Variants in DIAPH2 observed in about 807,000 individuals in gnomAD.
DIAPH2 encodes the protein diaphanous related formin 2.
Under a neutral mutation model 92.7 loss-of-function variants are expected in DIAPH2, and 35 were observed. The observed-to-expected ratio is 0.38, with a 90% CI of 0.29 to 0.50. The LOEUF (loss-of-function observed/expected upper bound fraction) is 0.50. Ranked by LOEUF, DIAPH2 falls within the 20% of genes least tolerant of loss-of-function variation. The pLI, the probability that DIAPH2 is intolerant of heterozygous loss-of-function variation, is 0.94. For missense variants in DIAPH2, 701 were observed against 819.5 expected, an observed-to-expected ratio of 0.86 and a Z score of 1.77; for synonymous variants, 301 against 280.4, an observed-to-expected ratio of 1.07 and a Z score of -0.73.
chrX:97,180,291 A>G (rs959510769), intron 22 of DIAPH2, among the ~76,000 whole-genome samples: 1 of 112,267 alleles, frequency 8.9e-6, no homozygotes, highest in South Asian at 3.7e-4. Context: ...TGTTGGCCGC[A>G]TAAATGTCTT....
At chrX:97,142,217 T>G (rs1437147574) in intron 22 of DIAPH2, among the ~76,000 whole-genome samples, 1 of 111,415 alleles carries the variant, frequency 9.0e-6, no homozygotes, top group Non-Finnish European at 1.9e-5. Context: ...TGTTATAAAA[T>G]AAGGATGCAT....
At chrX:97,021,033 C>G (rs2066294137) in intron 17 of DIAPH2, among the ~76,000 whole-genome samples, 1 of 111,332 alleles carries the variant, frequency 9.0e-6, no homozygotes, top group South Asian at 3.8e-4. Context: ...TTAAGCCATC[C>G]AAGAGGAAGT....
intron 26 of DIAPH2, among the ~76,000 whole-genome samples, chrX:97,485,848 A>G (rs751928679): frequency 5.4e-5 from 6 of 111,129 alleles, no homozygotes; most frequent in Admixed American, 9.6e-5. Context: ...TGATATGATC[A>G]TGTATTTGTA....
At chrX:96,901,532 GTTTTTTTTTTTT>G (rs369526046) in intron 5 of DIAPH2, among the ~76,000 whole-genome samples, 46 of 33,087 alleles carry the variant, frequency 1.4e-3, no homozygotes, top group South Asian at 7.5e-3. Flanking sequence ...TTTTCTTTCT[GTTTTTTTTTTTT>G]TTTTTTTTTT....
chrX:97,238,570 G>GT (rs774159195), intron 22 of DIAPH2, among the ~76,000 whole-genome samples: 7,399 of 99,966 alleles, frequency 0.074, 404 homozygotes, highest in African/African-American at 0.18. Context: ...TTTTTAACAG[G>GT]TTTTTTTTTT....
intron 9 of DIAPH2, among the ~76,000 whole-genome samples, chrX:96,920,120 A>T (rs1370493248): frequency 9.0e-6 from 1 of 110,855 alleles, no homozygotes; most frequent in Non-Finnish European, 1.9e-5. Flanking sequence ...ACCTCAGGTC[A>T]TCCGCCCACT....
rs1274263625 is a variant in DIAPH2 at position 96,948,985 on chromosome X, A to G, written c.1560A>G (p.Lys520=). The change falls in exon 15 of 27, where the codon AAA becomes AAG. Residue 520 remains lysine (K), a synonymous_variant. Coordinates refer to ENST00000324765, the MANE Select transcript of DIAPH2 (RefSeq NM_006729.5). ...ARQEAQAELQ[K]RDEKIKELEA... is the part of the protein sequence containing the mutation. ...AGGAAGCTCAAGCAGAGCTTCAAAA[A>G]AGAGATGAGAAAATCAAAGAACTTG... is the stretch of plus-strand genomic sequence containing the variant. 8.3e-7 allele frequency: 1 copy of G among 1,206,768 alleles called. No homozygotes were observed. The highest frequency in any genetic ancestry group is 2.2e-5 in the Admixed American group (1 of 45,500).
At chrX:97,174,893 T>C (rs1245246801) in intron 22 of DIAPH2, among the ~76,000 whole-genome samples, 7 of 111,925 alleles carry the variant, frequency 6.3e-5, no homozygotes, top group Admixed American at 1.9e-4. Flanking sequence ...TGTTCTCCCC[T>C]TAGAGGATAG....
intron 21 of DIAPH2, among the ~76,000 whole-genome samples, chrX:97,137,787 T>G (rs185609683): frequency 8.9e-6 from 1 of 111,755 alleles, no homozygotes; most frequent in East Asian, 2.8e-4. Context: ...GAGTGTCTTG[T>G]ATGCAAAATC....
rs756965190 is a variant in DIAPH2 at position 97,021,094 on chromosome X, T to C, written c.2051-51847T>C. Among the ~76,000 whole-genome samples the C allele has an allele frequency of 2.6e-4, 29 of 112,554 alleles. 1 individual carries two copies. Among genetic ancestry groups the C allele is most frequent in the African/African-American group, 8.7e-4 (27 of 30,995 alleles). ...GGTTTCTTCAGATGTTCTTAACTCTTTGAGAAGTAAAAAGTCTGTCTTTAC... is the reference window on the plus strand; with the variant it reads ...GGTTTCTTCAGATGTTCTTAACTCTCTGAGAAGTAAAAAGTCTGTCTTTAC... On this transcript the variant is annotated intron_variant, in intron 17 of 26. Transcript: ENST00000324765.
chrX:96,868,363 T>C (rs1194386863), intron 4 of DIAPH2, among the ~76,000 whole-genome samples: 1 of 111,877 alleles, frequency 8.9e-6, no homozygotes, highest in East Asian at 2.8e-4. Context: ...AACTTCAGAA[T>C]TTTAACATTA....
At chrX:97,135,567 C>T (rs190881693) in intron 21 of DIAPH2, among the ~76,000 whole-genome samples, 1 of 110,707 alleles carries the variant, frequency 9.0e-6, no homozygotes, top group East Asian at 2.9e-4. Flanking sequence ...CTAGTAACTA[C>T]GACTCTCCTC....
intron 17 of DIAPH2, among the ~76,000 whole-genome samples, chrX:96,990,836 A>G (rs2066064566): frequency 9.0e-6 from 1 of 111,296 alleles, no homozygotes; most frequent in Non-Finnish European, 1.9e-5. Flanking sequence ...TCTGGAATAT[A>G]TCTTAGTACT....
rs375006380 is a variant in DIAPH2 at position 97,400,229 on chromosome X, T to C, written c.3145+16185T>C. On this transcript the variant is annotated intron_variant, in intron 25 of 26. Transcript: ENST00000324765. ...AAAATAGCAAAGGTTACAGTATATA[T>C]AATGTATGTGTGAATATCCACATAT... 4.6e-4 allele frequency among the ~76,000 whole-genome samples: 52 copies of C among 112,554 alleles called. No individual in the cohort carries two copies. In the East Asian group the frequency reaches 5.6e-3, roughly 12 times the overall value.
intron 9 of DIAPH2, among the ~76,000 whole-genome samples, chrX:96,928,539 G>T (rs934089876): frequency 9.0e-6 from 1 of 111,356 alleles, no homozygotes; most frequent in Non-Finnish European, 1.9e-5. Context: ...TAAAGGAATA[G>T]CAAAAATTTA....
In DIAPH2 at chrX:97,094,396, C is replaced by T. The variant is rs943596518; in HGVS notation, c.2248-5298C>T. On this transcript the variant is annotated intron_variant, in intron 19 of 26. Coordinates refer to ENST00000324765, the MANE Select transcript of DIAPH2 (RefSeq NM_006729.5). Reference sequence around the variant, plus strand: ...ATTAGATAGGAAACCTTTAAATCCCCGATTATTTCTAAGACACACTTGTTA... The same window carrying T: ...ATTAGATAGGAAACCTTTAAATCCCTGATTATTTCTAAGACACACTTGTTA... Among the ~76,000 whole-genome samples the T allele has an allele frequency of 3.6e-5, 4 of 111,784 alleles. No individual in the cohort carries two copies. The East Asian group carries it at 8.4e-4, about 24-fold the overall frequency.
At chrX:97,206,469 G>A (rs1340266192) in intron 22 of DIAPH2, among the ~76,000 whole-genome samples, 1 of 111,910 alleles carries the variant, frequency 8.9e-6, no homozygotes, top group Non-Finnish European at 1.9e-5. Context: ...TAGTTATCAT[G>A]AGGTCCTAAA....
chrX:97,255,879 G>A (rs1453198260), intron 23 of DIAPH2, among the ~76,000 whole-genome samples: 2 of 111,786 alleles, frequency 1.8e-5, no homozygotes, highest in Non-Finnish European at 3.8e-5. Context: ...AATTCACCCT[G>A]AAATTACGTA....
chrX:97,569,244 A>G (rs1404871828), intron 26 of DIAPH2, among the ~76,000 whole-genome samples: 3 of 112,170 alleles, frequency 2.7e-5, no homozygotes, highest in Non-Finnish European at 3.8e-5. Context: ...TTGAGCTTCT[A>G]TCAACAATGT....
Sources: gnomAD v4.1 joint callset for allele counts (sites outside exome capture counted in the v4.1 genomes callset) on GRCh38, gnomAD v4.1.1 for gene constraint, MANE v1.5 for transcripts, NCBI Gene and HGNC (gene_info 2026-07-23, HGNC 2026-07-21) for gene names.